CHN1: variants seen among roughly 807,000 people sequenced by gnomAD.
The protein encoded by CHN1 is N-chimaerin.
Under a neutral mutation model 59.5 loss-of-function variants are expected in CHN1, and 37 were observed. The observed-to-expected ratio is 0.62, with a 90% CI of 0.48 to 0.82. The LOEUF is 0.82. Ranked by LOEUF, CHN1 falls within the 40% of genes least tolerant of loss-of-function variation. The pLI is 0.00. For missense variants in CHN1, 469 were observed against 571.0 expected (o/e 0.82, Z 1.82); for synonymous variants, 206 against 200.4 (o/e 1.03, Z -0.24).
intron 11 of CHN1, among the ~76,000 whole-genome samples, chr2:174,808,438 C>A (rs1464937374): frequency 2.0e-5 from 3 of 152,188 alleles, no homozygotes; most frequent in African/African-American, 7.2e-5. Flanking sequence ...CGCGTGCCAC[C>A]ACGCCCAGCT....
At chr2:174,898,256 C>T (rs1047855168) in intron 5 of CHN1, among the ~76,000 whole-genome samples, 1 of 152,154 alleles carries the variant, frequency 6.6e-6, no homozygotes, top group Non-Finnish European at 1.5e-5. Context: ...CTTGAAGTCA[C>T]TCCCAATACT....
intron 1 of CHN1, among the ~76,000 whole-genome samples, chr2:174,978,355 A>G (rs1003474745): frequency 1.2e-4 from 19 of 152,310 alleles, no homozygotes; most frequent in African/African-American, 4.6e-4. Context: ...TTATTTCCCC[A>G]TGATTCAGAT....
intron 5 of CHN1, among the ~76,000 whole-genome samples, chr2:174,878,775 T>C (rs945957433): frequency 4.6e-5 from 7 of 152,250 alleles, no homozygotes; most frequent in Non-Finnish European, 1.0e-4. Flanking sequence ...AAGAAATGTT[T>C]GAAATACATA....
intron 5 of CHN1, among the ~76,000 whole-genome samples, chr2:174,889,595 G>A (rs760987884): frequency 6.6e-6 from 1 of 151,974 alleles, no homozygotes; most frequent in Non-Finnish European, 1.5e-5. Flanking sequence ...ATTAAAAAGG[G>A]ATTCAACAGC....
intron 12 of CHN1, among the ~76,000 whole-genome samples, chr2:174,801,477 A>G (rs1684719449): frequency 6.6e-6 from 1 of 152,242 alleles, no homozygotes; most frequent in South Asian, 2.1e-4. Flanking sequence ...CTGAAAACAT[A>G]TACTGGAACT....
chr2:174,961,977 G>C (rs1340569626), intron 1 of CHN1, among the ~76,000 whole-genome samples: 2 of 152,158 alleles, frequency 1.3e-5, no homozygotes, highest in Non-Finnish European at 2.9e-5. Context: ...ATATGGGATA[G>C]AGTGGGGTTA....
At chr2:174,833,090 AT>A (rs765166358) in intron 7 of CHN1, among the ~76,000 whole-genome samples, 50 of 152,254 alleles carry the variant, frequency 3.3e-4, no homozygotes, top group Middle Eastern at 3.4e-3. Context: ...CTTGAAAAGT[AT>A]GTGTATCCTG....
chr2:174,929,249 A>G (rs969394570), intron 3 of CHN1, among the ~76,000 whole-genome samples: 1 of 152,204 alleles, frequency 6.6e-6, no homozygotes, highest in African/African-American at 2.4e-5. Context: ...GAATATTTAC[A>G]AAGTTGTTTT....
intron 5 of CHN1, among the ~76,000 whole-genome samples, chr2:174,880,191 A>T (rs1687691120): frequency 6.6e-6 from 1 of 152,246 alleles, no homozygotes; most frequent in African/African-American, 2.4e-5. Context: ...GTCTAAAGGG[A>T]GATGATCACA....
chr2:174,957,207 C>T (rs1304047540), intron 1 of CHN1, among the ~76,000 whole-genome samples: 6 of 152,192 alleles, frequency 3.9e-5, no homozygotes, highest in African/African-American at 1.4e-4. Flanking sequence ...GGCTTGGGGA[C>T]CATTTTAAAT....
In CHN1 at chr2:174,944,891, G is replaced by C; in HGVS notation, c.111C>G (p.Cys37Trp). The change falls in exon 3 of 13, where the codon TGC (cysteine) becomes TGG (tryptophan). Residue 37 changes from cysteine to tryptophan, a missense_variant. Cys to Trp is a radical substitution (Grantham distance 215). Transcript: ENST00000409900. ...APHPRRITCTCEVENRPKYYG... is the reference protein window; with the variant it reads ...APHPRRITCTWEVENRPKYYG... Reference sequence around the variant, plus strand: ...GTAGCAGTTTCATTACACCCACCTCGCAAGTACAGGTAATTCTTCGAGGAT... The same window carrying C: ...GTAGCAGTTTCATTACACCCACCTCCCAAGTACAGGTAATTCTTCGAGGAT... The C allele has an allele frequency of 6.3e-7, 1 of 1,580,174 alleles. No individual in the cohort carries two copies. Among genetic ancestry groups the C allele is most frequent in the Non-Finnish European group, 8.6e-7 (1 of 1,161,366 alleles).
chr2:175,000,994 C>A (rs1691872180), intron 1 of CHN1, among the ~76,000 whole-genome samples: 1 of 152,192 alleles, frequency 6.6e-6, no homozygotes, highest in South Asian at 2.1e-4. Flanking sequence ...CATAGTGCAA[C>A]TACAGTCTTG....
intron 10 of CHN1, among the ~76,000 whole-genome samples, chr2:174,809,565 G>A (rs1000489328): frequency 1.3e-5 from 2 of 152,140 alleles, no homozygotes; most frequent in Admixed American, 6.5e-5. Flanking sequence ...TACTATGTAC[G>A]TTGTTATTAA....
intron 5 of CHN1, among the ~76,000 whole-genome samples, chr2:174,910,287 T>G (rs1688653407): frequency 6.6e-6 from 1 of 152,186 alleles, no homozygotes; most frequent in Admixed American, 6.5e-5. Context: ...AAGAAGTATT[T>G]TATGTCAAAG....
At chr2:174,811,414 T>C in intron 10 of CHN1, 97 bp downstream of exon 10, 3 of 751,566 alleles carry the variant, frequency 4.0e-6, no homozygotes, top group Middle Eastern at 2.4e-4. Flanking sequence ...TCATCAATGA[T>C]TTAGAAAAAT....
intron 6 of CHN1, among the ~76,000 whole-genome samples, chr2:174,861,649 G>A (rs899345336): frequency 9.2e-5 from 14 of 152,192 alleles, no homozygotes; most frequent in African/African-American, 3.4e-4. Flanking sequence ...TCATTTGGCA[G>A]TCAAAATGTA....
chr2:174,804,646 T>C (rs768359062), intron 11 of CHN1, among the ~76,000 whole-genome samples: 1 of 152,204 alleles, frequency 6.6e-6, no homozygotes, highest in Non-Finnish European at 1.5e-5. Context: ...GTTGAGTTCA[T>C]TGGATTCCTG....
Position 174,998,718 on chromosome 2 carries a change from T to C in CHN1, c.19+6176A>G, listed in dbSNP as rs1691792054. 2.0e-5 allele frequency among the ~76,000 whole-genome samples: 3 copies of C among 152,204 alleles called. No individual in the cohort carries two copies. In the South Asian group the frequency reaches 6.2e-4, roughly 31 times the overall value. ...GCTCTTTCCAAGAAGTGCTTACTTT[T>C]CTAAATTTAAAACAGGTAGGAACAT... On this transcript the variant is annotated intron_variant, in intron 1 of 12. Coordinates refer to ENST00000409900, the MANE Select transcript of CHN1 (RefSeq NM_001822.7).
intron 5 of CHN1, among the ~76,000 whole-genome samples, chr2:174,886,916 T>C (rs541625379): frequency 2.6e-5 from 4 of 152,220 alleles, no homozygotes; most frequent in Non-Finnish European, 4.4e-5. Flanking sequence ...AGTTTTGGCA[T>C]ATATTATTAT....
Sources: gnomAD v4.1 joint callset for allele counts (sites outside exome capture counted in the v4.1 genomes callset) on GRCh38, gnomAD v4.1.1 for gene constraint, MANE v1.5 for transcripts, NCBI Gene and HGNC (gene_info 2026-07-23, HGNC 2026-07-21) for gene names.